Variants in PHKB observed in about 807,000 individuals in gnomAD.
The protein encoded by PHKB is phosphorylase kinase regulatory subunit beta.
PHKB carries 122 observed loss-of-function variants against 152.1 expected under a neutral mutation model. The observed-to-expected ratio is 0.80, with a 90% CI of 0.69 to 0.93. The LOEUF (loss-of-function observed/expected upper bound fraction) is 0.93, where lower values mean the gene tolerates loss of function less well. PHKB is among the 40% of genes least tolerant of loss of function. The pLI, the probability that PHKB is intolerant of heterozygous loss-of-function variation, is 0.00. For missense variants in PHKB, 1,304 were observed against 1,328.4 expected (o/e 0.98, Z 0.29); for synonymous variants, 436 against 464.9 (o/e 0.94, Z 0.80).
At chr16:47,684,494 C>T (rs148660808) in intron 26 of PHKB, among the ~76,000 whole-genome samples, 2 of 152,242 alleles carry the variant, frequency 1.3e-5, no homozygotes, top group African/African-American at 2.4e-5. Flanking sequence ...AAGCCGGGCG[C>T]GGTGGCTCAC....
intron 6 of PHKB, among the ~76,000 whole-genome samples, chr16:47,522,856 T>C (rs1231762964): frequency 1.3e-5 from 2 of 152,050 alleles, no homozygotes; most frequent in Non-Finnish European, 2.9e-5. Flanking sequence ...AATTTCTTTC[T>C]GTTACTGATT....
chr16:47,555,068 A>G (rs1431855729), intron 7 of PHKB, among the ~76,000 whole-genome samples: 1 of 152,202 alleles, frequency 6.6e-6, no homozygotes, highest in Non-Finnish European at 1.5e-5. Flanking sequence ...CAGATAAATA[A>G]CAATCATAGC....
At chr16:47,568,479 C>G (rs970101232) in intron 7 of PHKB, among the ~76,000 whole-genome samples, 3 of 152,060 alleles carry the variant, frequency 2.0e-5, no homozygotes, top group Admixed American at 1.3e-4. Context: ...AAAGAACCAA[C>G]CTGTTGTTTC....
At chr16:47,561,921 G>C (rs1310855517) in intron 7 of PHKB, 2 of 152,162 alleles carry the variant, frequency 1.3e-5, no homozygotes, top group African/African-American at 4.8e-5. Flanking sequence ...GATACCTTCT[G>C]TTGAGTGGCC....
At chr16:47,566,587 G>T in intron 7 of PHKB, 1 of 1,516,832 alleles carries the variant, frequency 6.6e-7, no homozygotes, top group Non-Finnish European at 9.1e-7. Context: ...ACATCATAGG[G>T]TAGGTTCCCT....
intron 7 of PHKB, among the ~76,000 whole-genome samples, chr16:47,572,007 C>A (rs1042538698): frequency 1.3e-5 from 2 of 152,146 alleles, no homozygotes; most frequent in African/African-American, 4.8e-5. Flanking sequence ...TGCCACAATC[C>A]AGGCCTGTGC....
At position 47,650,597 on chromosome 16, in the gene PHKB, C is replaced by T. The variant is rs1973219226; in HGVS notation, c.1851C>T (p.Phe617=). 6.2e-7 allele frequency: 1 copy of T among 1,610,484 alleles called. No individual in the cohort carries two copies. The highest frequency in any genetic ancestry group is 1.7e-5 in the Admixed American group (1 of 59,994). Residue 617 remains phenylalanine (F), a synonymous_variant, in exon 19 of 31, where the codon TTC becomes TTT. Transcript: ENST00000323584. The stretch of plus-strand genomic sequence containing the variant: ...GGAAAATGCATGGACGTCCACTTTT[C>T]CTTGTTCTCATCCGGGAAGACAATA... ...QYWKMHGRPL[F]LVLIREDNIR...
chr16:47,572,379 C>T (rs1420923184), intron 7 of PHKB, among the ~76,000 whole-genome samples: 4 of 152,162 alleles, frequency 2.6e-5, no homozygotes, highest in Admixed American at 1.3e-4. Flanking sequence ...GTGAATTCTC[C>T]GATGGACTCC....
At chr16:47,546,528 T>C (rs1351750040) in intron 6 of PHKB, among the ~76,000 whole-genome samples, 1 of 152,164 alleles carries the variant, frequency 6.6e-6, no homozygotes, top group East Asian at 1.9e-4. Context: ...CAGCCCCTAC[T>C]CGGACGTGTC....
intron 13 of PHKB, among the ~76,000 whole-genome samples, chr16:47,604,412 G>C (rs1190889366): frequency 2.0e-5 from 3 of 151,900 alleles, no homozygotes; most frequent in Non-Finnish European, 4.4e-5. Flanking sequence ...TTAATCAGTT[G>C]ACTAAAATGC....
intron 5 of PHKB, among the ~76,000 whole-genome samples, chr16:47,514,602 A>C (rs1306394334): frequency 2.6e-5 from 4 of 152,194 alleles, no homozygotes; most frequent in Non-Finnish European, 5.9e-5. Flanking sequence ...CCCCACTCAG[A>C]CAGCCAACTC....
At chr16:47,692,872 A>G (rs975971063) in intron 27 of PHKB, among the ~76,000 whole-genome samples, 1 of 152,180 alleles carries the variant, frequency 6.6e-6, no homozygotes, top group Admixed American at 6.5e-5. Context: ...AAGGTTTAAA[A>G]TAAGGTAATT....
rs538182800 is a variant in PHKB at position 47,501,317 on chromosome 16, G to A, written c.305+1423G>A. Among the ~76,000 whole-genome samples the A allele has an allele frequency of 2.1e-4, 32 of 152,260 alleles. 1 individual carries two copies. Among genetic ancestry groups the A allele is most frequent in the Admixed American group, 1.6e-3 (24 of 15,294 alleles). On this transcript the variant is annotated intron_variant, in intron 3 of 30. Coordinates refer to ENST00000323584, the MANE Select transcript of PHKB (RefSeq NM_000293.3). The stretch of plus-strand genomic sequence containing the variant: ...AAATGTCAGTATTACAGATGACTAG[G>A]AAATAAGTATGAGGATGGCTAGACT...
At chr16:47,651,859 G>A (rs535130178) in intron 20 of PHKB, among the ~76,000 whole-genome samples, 2 of 151,944 alleles carry the variant, frequency 1.3e-5, no homozygotes, top group South Asian at 4.2e-4. Context: ...CTGTTGCTTT[G>A]TCTTTTTGTA....
chr16:47,559,987 T>C (rs1971448811), intron 7 of PHKB, among the ~76,000 whole-genome samples: 1 of 152,200 alleles, frequency 6.6e-6, no homozygotes, highest in African/African-American at 2.4e-5. Flanking sequence ...ACCATATGAA[T>C]TGTCATGAAA....
intron 1 of PHKB, among the ~76,000 whole-genome samples, chr16:47,470,930 GTC>G (rs1264718532): frequency 2.6e-5 from 4 of 152,182 alleles, no homozygotes; most frequent in African/African-American, 9.6e-5. Flanking sequence ...CATTCACTCT[GTC>G]TCTCTCCTGG....
At chr16:47,461,308 A>T, upstream of PHKB, 1 of 1,501,910 alleles carries the variant, frequency 6.7e-7, no homozygotes, top group Non-Finnish European at 9.1e-7. Flanking sequence ...CATTGCTGAC[A>T]GGCGGCCCCG....
chr16:47,674,930 T>G (rs1307932148), intron 26 of PHKB, among the ~76,000 whole-genome samples: 1 of 152,168 alleles, frequency 6.6e-6, no homozygotes, highest in Non-Finnish European at 1.5e-5. Context: ...TAACACCAAT[T>G]TGAGAGTTAC....
chr16:47,605,354 C>G (rs2151706608), intron 13 of PHKB, among the ~76,000 whole-genome samples: 1 of 152,220 alleles, frequency 6.6e-6, no homozygotes, highest in Non-Finnish European at 1.5e-5. Context: ...GAAGGAAATG[C>G]AAAGAAATAA....
Sources: allele counts gnomAD v4.1 joint callset (sites outside exome capture counted in the v4.1 genomes callset), GRCh38; gene constraint gnomAD v4.1.1; transcripts MANE v1.5; gene names NCBI Gene and HGNC (gene_info 2026-07-23, HGNC 2026-07-21).